LRBA: variants seen among roughly 807,000 people sequenced by gnomAD.
LRBA encodes lipopolysaccharide-responsive and beige-like anchor protein.
In LRBA, 176 loss-of-function variants were observed where a neutral mutation model predicts 330.0. The observed-to-expected ratio is 0.53, with a 90% confidence interval of 0.47 to 0.60. LRBA has a LOEUF of 0.60. Ranked by LOEUF, LRBA falls within the 20% of genes least tolerant of loss-of-function variation. LRBA has a pLI of 0.00. For missense variants in LRBA, 3,259 were observed against 3,444.8 expected (o/e 0.95, Z 1.35); for synonymous variants, 1,230 against 1,193.0 (o/e 1.03, Z -0.64).
intron 34 of LRBA, among the ~76,000 whole-genome samples, chr4:150,792,694 A>G (rs1740136768): frequency 2.0e-5 from 3 of 152,064 alleles, no homozygotes; most frequent in Admixed American, 2.0e-4. Flanking sequence ...TTTGGTAGAG[A>G]TAGGGTCTTG....
At chr4:150,531,599 T>A (rs936892998) in intron 40 of LRBA, among the ~76,000 whole-genome samples, 1 of 152,216 alleles carries the variant, frequency 6.6e-6, no homozygotes, top group Non-Finnish European at 1.5e-5. Context: ...ACACTTAGAA[T>A]AAATTTTCTA....
intron 26 of LRBA, among the ~76,000 whole-genome samples, chr4:150,845,025 G>A (rs1350250477): frequency 1.3e-5 from 2 of 152,146 alleles, no homozygotes; most frequent in Admixed American, 6.6e-5. Context: ...TAAACGTTTA[G>A]GGTTTGCTGA....
At chr4:150,789,913 A>C (rs1233809021) in intron 34 of LRBA, among the ~76,000 whole-genome samples, 1 of 152,120 alleles carries the variant, frequency 6.6e-6, no homozygotes, top group Non-Finnish European at 1.5e-5. Context: ...CCAAAGAAAA[A>C]TGTTATGCTC....
At chr4:150,921,429 T>A in intron 4 of LRBA, 136 bp from the exon 5 acceptor site, 1 of 611,712 alleles carries the variant, frequency 1.6e-6, no homozygotes, top group Non-Finnish European at 2.9e-6. Flanking sequence ...AATTTCTAAG[T>A]TATTTTCAAA....
intron 22 of LRBA, among the ~76,000 whole-genome samples, chr4:150,855,876 C>G (rs1204148002): frequency 6.6e-6 from 1 of 152,070 alleles, no homozygotes; most frequent in Non-Finnish European, 1.5e-5. Flanking sequence ...CACCTGAGCT[C>G]CCAAGAAAAG....
At chr4:150,470,840 TACACACAC>T (rs146604033) in intron 43 of LRBA, among the ~76,000 whole-genome samples, 1 of 140,554 alleles carries the variant, frequency 7.1e-6, no homozygotes, top group African/African-American at 2.6e-5. Flanking sequence ...CCCTCATTAC[TACACACAC>T]ACACACACAC....
At chr4:150,849,173 A>C (rs988774922) in intron 25 of LRBA, among the ~76,000 whole-genome samples, 175 bp from the exon 26 acceptor site, 1 of 152,148 alleles carries the variant, frequency 6.6e-6, no homozygotes, top group Non-Finnish European at 1.5e-5. Context: ...AGGAGGAGCA[A>C]CAGAACCATA....
intron 48 of LRBA, among the ~76,000 whole-genome samples, chr4:150,340,447 A>C (rs1253859079): frequency 1.3e-5 from 2 of 152,152 alleles, no homozygotes; most frequent in Non-Finnish European, 2.9e-5. Context: ...AATCTTAGAT[A>C]ATCTAGTGGA....
At chr4:150,400,433 TAC>T (rs1745310186) in intron 47 of LRBA, among the ~76,000 whole-genome samples, 1 of 152,234 alleles carries the variant, frequency 6.6e-6, no homozygotes, top group Non-Finnish European at 1.5e-5. Flanking sequence ...TTTGTCGTTT[TAC>T]TTTTAAAACG....
rs566818454 is a variant in LRBA at position 150,893,365 on chromosome 4, C to CG, written c.2068-217dup. 4.3e-3 allele frequency among the ~76,000 whole-genome samples: 659 copies of CG among 151,844 alleles called. 3 individuals carry two copies. The highest frequency in any genetic ancestry group is 7.3e-3 in the Non-Finnish European group (498 of 67,910). On this transcript the variant is annotated intron_variant, in intron 16 of 56. Coordinates refer to ENST00000651943, the MANE Select transcript of LRBA (RefSeq NM_001364905.1). ...TAGCAAACCAATTTCTTTTTTTGTG[C>CG]GGGGGGGCAGAGTCTCGCTCTCTCA...
chr4:150,697,046 G>C (rs1306709040), intron 36 of LRBA, among the ~76,000 whole-genome samples: 3 of 150,400 alleles, frequency 2.0e-5, no homozygotes, highest in South Asian at 4.2e-4. Context: ...AAAAAAAAAG[G>C]CCGGGCGCAG....
intron 35 of LRBA, among the ~76,000 whole-genome samples, chr4:150,737,155 T>A (rs1193022692): frequency 6.6e-6 from 1 of 152,088 alleles, no homozygotes; most frequent in Non-Finnish European, 1.5e-5. Context: ...GAGTTTCAAG[T>A]TATAGTGAGC....
intron 47 of LRBA, among the ~76,000 whole-genome samples, chr4:150,391,290 T>C (rs1743886017): frequency 6.6e-6 from 1 of 152,184 alleles, no homozygotes; most frequent in Admixed American, 6.5e-5. Flanking sequence ...CTCTAATTCC[T>C]TGGATTGCCT....
intron 37 of LRBA, among the ~76,000 whole-genome samples, chr4:150,639,835 A>ATGTG (rs1210970221): frequency 2.6e-4 from 6 of 22,652 alleles, no homozygotes; most frequent in African/African-American, 5.2e-4. Context: ...ATATATATAT[A>ATGTG]TATATATATA....
intron 2 of LRBA, among the ~76,000 whole-genome samples, chr4:150,952,749 T>C (rs374280770): frequency 5.3e-5 from 8 of 152,202 alleles, no homozygotes; most frequent in Admixed American, 4.6e-4. Context: ...CTTGAAATTA[T>C]GTGTATCTGT....
rs1171694504 is a variant in LRBA at position 150,277,899 on chromosome 4, C to T, written c.8422G>A (p.Gly2808Arg). The T allele has an allele frequency of 2.5e-6, 4 of 1,614,124 alleles. No homozygotes were observed. Among genetic ancestry groups the T allele is most frequent in the East Asian group, 2.2e-5 (1 of 44,864 alleles). Reference protein sequence around the residue: ...SDLKQLFAYPGCDAGIRAMAL... With the variant: ...SDLKQLFAYPRCDAGIRAMAL... ...ATGGCCCGGATTCCAGCGTCACATC[C>T]TGGATAGGCAAAGAGCTGCTTGAGG... The change falls in exon 56 of 57, where the codon GGA (glycine) becomes AGA (arginine). Residue 2808 changes from glycine to arginine, a missense_variant. Gly to Arg is a moderately radical substitution (Grantham distance 125). Transcript: ENST00000651943.
intron 11 of LRBA, among the ~76,000 whole-genome samples, chr4:150,908,012 T>A (rs1014874312): frequency 1.3e-5 from 2 of 152,148 alleles, no homozygotes; most frequent in Non-Finnish European, 2.9e-5. Context: ...AAATTTCTTA[T>A]TGCATTCTGA....
intron 47 of LRBA, among the ~76,000 whole-genome samples, chr4:150,409,236 C>T (rs1746623234): frequency 6.6e-6 from 1 of 152,066 alleles, no homozygotes; most frequent in Admixed American, 6.6e-5. Flanking sequence ...AGAACAGGTC[C>T]TTCCCGTACA....
chr4:150,745,441 A>C (rs1732560526), intron 35 of LRBA, among the ~76,000 whole-genome samples: 1 of 149,806 alleles, frequency 6.7e-6, no homozygotes, highest in Non-Finnish European at 1.5e-5. Context: ...AAAGGGCAAA[A>C]GCAACAAAAA....
Sources: allele counts gnomAD v4.1 joint callset (sites outside exome capture counted in the v4.1 genomes callset), GRCh38; gene constraint gnomAD v4.1.1; transcripts MANE v1.5; gene names NCBI Gene and HGNC (gene_info 2026-07-23, HGNC 2026-07-21).